Variants in ZZZ3 observed in about 807,000 individuals in gnomAD.
The protein encoded by ZZZ3 is ZZ-type zinc finger-containing protein 3.
ZZZ3 carries 22 observed loss-of-function variants against 95.2 expected under a neutral mutation model. That is an observed-to-expected ratio of 0.23 (90% CI 0.17 to 0.33). The LOEUF is 0.33. Ranked by LOEUF, ZZZ3 falls within the 10% of genes least tolerant of loss-of-function variation. ZZZ3 has a pLI of 1.00. For synonymous variants in ZZZ3, 335 were observed against 358.9 expected, an observed-to-expected ratio of 0.93 and a Z score of 0.75; for missense variants, 885 against 1,066.5, an observed-to-expected ratio of 0.83 and a Z score of 2.37.
At chr1:77,568,295 TAAAATG>T in intron 13 of ZZZ3, 31 bp downstream of exon 13, 1 of 1,349,596 alleles carries the variant, frequency 7.4e-7, no homozygotes. Flanking sequence ...AATAAATAAA[TAAAATG>T]AAATGAATCC....
intron 13 of ZZZ3, among the ~76,000 whole-genome samples, chr1:77,566,549 G>C (rs1030495522): frequency 4.6e-5 from 7 of 152,192 alleles, no homozygotes; most frequent in Middle Eastern, 3.2e-3. Context: ...TTGAGAAACA[G>C]AGAGTTAATA....
intron 5 of ZZZ3, among the ~76,000 whole-genome samples, chr1:77,630,794 G>C (rs1201769518): frequency 1.3e-5 from 2 of 151,998 alleles, no homozygotes; most frequent in East Asian, 3.9e-4. Flanking sequence ...ACAATGCATG[G>C]CAAAAAAAAT....
At chr1:77,618,158 G>A (rs920048165) in intron 5 of ZZZ3, among the ~76,000 whole-genome samples, 33 of 150,316 alleles carry the variant, frequency 2.2e-4, no homozygotes, top group Non-Finnish European at 5.9e-5. Context: ...GCATGTTTTG[G>A]CAGCCTACCA....
rs61553400 is a variant in ZZZ3, at chr1:77,586,373, C to A, written c.1506-1718G>T. On this transcript the variant is annotated intron_variant, in intron 5 of 14. Transcript: ENST00000370801. ...AAAAACAACTGTGAATCTATTAAAA[C>A]TTCAGTAAATGCTGTAGGTACAGTA... Among the ~76,000 whole-genome samples, 774 of 152,266 alleles carry A rather than the reference C, an allele frequency of 5.1e-3. 6 individuals are homozygous for A. The highest frequency in any genetic ancestry group is 0.018 in the African/African-American group (742 of 41,560).
At chr1:77,652,824 T>G (rs963688942) in intron 1 of ZZZ3, among the ~76,000 whole-genome samples, 3 of 152,126 alleles carry the variant, frequency 2.0e-5, no homozygotes, top group African/African-American at 7.2e-5. Flanking sequence ...CTTAAAAACA[T>G]TATGCTAACT....
At chr1:77,674,331 C>T (rs932575400) in intron 1 of ZZZ3, among the ~76,000 whole-genome samples, 1 of 152,106 alleles carries the variant, frequency 6.6e-6, no homozygotes, top group African/African-American at 2.4e-5. Context: ...ACAAACATAA[C>T]ATTGAGCAAA....
intron 5 of ZZZ3, among the ~76,000 whole-genome samples, chr1:77,625,880 C>A (rs955835855): frequency 6.6e-6 from 1 of 151,504 alleles, no homozygotes; most frequent in Non-Finnish European, 1.5e-5. Context: ...GTCTGTAATC[C>A]CAGCTACTCA....
At chr1:77,580,846 G>T in intron 9 of ZZZ3, 152 bp downstream of exon 9, 2 of 622,454 alleles carry the variant, frequency 3.2e-6, no homozygotes, top group Admixed American at 2.6e-5. Flanking sequence ...GGTTGGTCTT[G>T]AACTCCTGAC....
At chr1:77,661,869 T>G (rs278852) in intron 1 of ZZZ3, among the ~76,000 whole-genome samples, 1 of 151,712 alleles carries the variant, frequency 6.6e-6, no homozygotes, top group South Asian at 2.1e-4. Context: ...CAGGCTAGAG[T>G]GCAGTGACAC....
chr1:77,668,498 AT>A (rs1671448203), intron 1 of ZZZ3, among the ~76,000 whole-genome samples: 1 of 152,214 alleles, frequency 6.6e-6, no homozygotes, highest in Non-Finnish European at 1.5e-5. Flanking sequence ...TATCAAGTAC[AT>A]TATATACTCT....
chr1:77,656,567 T>C (rs1359705344), intron 1 of ZZZ3, among the ~76,000 whole-genome samples: 1 of 152,216 alleles, frequency 6.6e-6, no homozygotes, highest in Non-Finnish European at 1.5e-5. Flanking sequence ...CCCTGAAATA[T>C]CTTTTGATAT....
intron 6 of ZZZ3, among the ~76,000 whole-genome samples, chr1:77,582,427 G>A (rs1459860874): frequency 6.6e-6 from 1 of 152,074 alleles, no homozygotes; most frequent in African/African-American, 2.4e-5. Flanking sequence ...AATGTTCTCT[G>A]CATTCCATAT....
Position 77,632,082 on chromosome 1 carries a change from G to C in ZZZ3, c.1273C>G (p.Gln425Glu), listed in dbSNP as rs373322743. The C allele has an allele frequency of 1.5e-5, 24 of 1,613,890 alleles. No homozygotes were observed. In the African/African-American group the frequency reaches 3.2e-4, roughly 22 times the overall value. ...TNATVSDNVSQSPTNPGEISQ... is the reference protein window; with the variant it reads ...TNATVSDNVSESPTNPGEISQ... ...ATTTCACCAGGATTTGTAGGAGATT[G>C]ACTTACATTATCACTAACAGTTGCA... Residue 425 changes from glutamine to glutamate, a missense_variant, in exon 5 of 15, where the codon CAA (glutamine) becomes GAA (glutamate). Around this residue, in one of 5 missense-constraint regions of ZZZ3, gnomAD observed 556 missense variants for 652.9 expected, o/e 0.85. Transcript: ENST00000370801.
intron 1 of ZZZ3, among the ~76,000 whole-genome samples, chr1:77,669,644 G>A (rs1330942799): frequency 6.6e-6 from 1 of 151,902 alleles, no homozygotes; most frequent in East Asian, 1.9e-4. Context: ...TTTTAGTAGA[G>A]AGGGGGTTTG....
intron 1 of ZZZ3, among the ~76,000 whole-genome samples, chr1:77,673,548 G>T (rs1570672813): frequency 6.6e-6 from 1 of 152,162 alleles, no homozygotes; most frequent in East Asian, 1.9e-4. Context: ...AGTGAGCTGA[G>T]ATCGCGCCAC....
intron 1 of ZZZ3, among the ~76,000 whole-genome samples, chr1:77,682,225 G>C (rs771663459): frequency 6.6e-6 from 1 of 152,138 alleles, no homozygotes; most frequent in Non-Finnish European, 1.5e-5. Context: ...TACTGCAGCA[G>C]AAAACGCGAC....
At chr1:77,614,429 C>G (rs929389913) in intron 5 of ZZZ3, among the ~76,000 whole-genome samples, 1 of 152,228 alleles carries the variant, frequency 6.6e-6, no homozygotes, top group Admixed American at 6.5e-5. Context: ...CCATTAACGT[C>G]TCTTGATTCT....
chr1:77,622,136 CA>C (rs58597820), intron 5 of ZZZ3, among the ~76,000 whole-genome samples: 30,030 of 81,896 alleles, frequency 0.37, 3,428 homozygotes, highest in East Asian at 0.61. Flanking sequence ...CTTGTCTCCA[CA>C]AAAAAAAAAA....
At chr1:77,609,630 T>C (rs769388236) in intron 5 of ZZZ3, among the ~76,000 whole-genome samples, 19 of 152,130 alleles carry the variant, frequency 1.2e-4, no homozygotes, top group Non-Finnish European at 1.9e-4. Context: ...GGACAGAATA[T>C]GTTAGGTCAC....
Sources: gnomAD v4.1 joint callset for allele counts (sites outside exome capture counted in the v4.1 genomes callset) on GRCh38, gnomAD v4.1.1 for gene constraint, gnomAD v4.1.1 regional missense constraint, MANE v1.5 for transcripts, NCBI Gene and HGNC (gene_info 2026-07-23, HGNC 2026-07-21) for gene names.